Variants in LIPC observed in about 807,000 individuals in gnomAD.
LIPC encodes the protein lipase C, hepatic type.
LIPC carries 44 observed loss-of-function variants against 50.7 expected under a neutral mutation model. The observed-to-expected ratio is 0.87, with a 90% CI of 0.68 to 1.11. The LOEUF is 1.11. Ranked by LOEUF, LIPC falls within the 50% of genes most tolerant of loss-of-function variation. The pLI, the probability that LIPC is intolerant of heterozygous loss-of-function variation, is 0.00. For synonymous variants in LIPC, 271 were observed against 256.4 expected (o/e 1.06, Z -0.54); for missense variants, 697 against 648.2 (o/e 1.08, Z -0.82).
chr15:58,442,111 C>G (rs774774309), intron 1 of LIPC, among the ~76,000 whole-genome samples: 28 of 152,282 alleles, frequency 1.8e-4, no homozygotes, highest in South Asian at 6.2e-4. Context: ...TTGGGTGATG[C>G]CCTTTACCTC....
intron 1 of LIPC, among the ~76,000 whole-genome samples, chr15:58,451,253 C>G (rs978859332): frequency 2.0e-5 from 3 of 151,918 alleles, no homozygotes; most frequent in Non-Finnish European, 4.4e-5. Context: ...TTTGGAGATA[C>G]GAAAAAGGCA....
At chr15:58,506,464 G>T (rs1020034188) in intron 1 of LIPC, among the ~76,000 whole-genome samples, 24 of 152,144 alleles carry the variant, frequency 1.6e-4, no homozygotes, top group African/African-American at 5.8e-4. Flanking sequence ...TTTGACCAGG[G>T]CAAAGCAGGT....
chr15:58,494,454 G>A (rs1891697322), intron 1 of LIPC, among the ~76,000 whole-genome samples: 1 of 152,192 alleles, frequency 6.6e-6, no homozygotes, highest in Non-Finnish European at 1.5e-5. Context: ...CCTCATTTAC[G>A]CTGTTTGCAC....
At chr15:58,450,036 C>A (rs1566910811) in intron 1 of LIPC, among the ~76,000 whole-genome samples, 1 of 152,150 alleles carries the variant, frequency 6.6e-6, no homozygotes, top group African/African-American at 2.4e-5. Context: ...TATGGAGAGA[C>A]CCTTAGCACC....
rs1051033230 is a variant in LIPC at position 58,536,914 on chromosome 15, T to C, written c.89-1419T>C. Reference sequence around the variant, plus strand: ...CCCCTTGCACTTTGTAGGTTCATCATCTCTTGGTCCTGCTGTCCCCTGAAA... The same window carrying C: ...CCCCTTGCACTTTGTAGGTTCATCACCTCTTGGTCCTGCTGTCCCCTGAAA... On this transcript the variant is annotated intron_variant, in intron 1 of 8. Coordinates refer to ENST00000299022, the MANE Select transcript of LIPC (RefSeq NM_000236.3). Among the ~76,000 whole-genome samples, 12 of 152,240 alleles carry C rather than the reference T, an allele frequency of 7.9e-5. No individual in the cohort carries two copies. The South Asian group carries it at 8.3e-4, about 11-fold the overall frequency.
chr15:58,483,291 T>C (rs1043972377), intron 1 of LIPC, among the ~76,000 whole-genome samples: 7 of 152,196 alleles, frequency 4.6e-5, no homozygotes, highest in African/African-American at 1.7e-4. Flanking sequence ...AAATGACCCT[T>C]GGTAACAAAA....
At chr15:58,515,550 A>ATATATATATATATATATATATATC (rs1566935655) in intron 1 of LIPC, among the ~76,000 whole-genome samples, 1 of 151,046 alleles carries the variant, frequency 6.6e-6, no homozygotes, top group African/African-American at 2.4e-5. Context: ...ATATATATAT[A>ATATATATATATATATATATATATC]TATCTCAAAA....
chr15:58,449,822 G>C (rs1378677628), intron 1 of LIPC, among the ~76,000 whole-genome samples: 2 of 152,162 alleles, frequency 1.3e-5, no homozygotes, highest in African/African-American at 4.8e-5. Context: ...TTACAGACAG[G>C]TGTGAGCCAC....
At chr15:58,554,643 C>T (rs990334754) in intron 6 of LIPC, among the ~76,000 whole-genome samples, 2 of 151,204 alleles carry the variant, frequency 1.3e-5, no homozygotes, top group Non-Finnish European at 2.9e-5. Flanking sequence ...ACCTGTAATC[C>T]TAACACTTTG....
intron 1 of LIPC, among the ~76,000 whole-genome samples, chr15:58,471,329 G>GGGA (rs1555399299): frequency 1.6e-3 from 12 of 7,368 alleles, no homozygotes; most frequent in Non-Finnish European, 3.8e-3. Context: ...TAGTAGAGAT[G>GGGA]GGGGGGGGTG....
At chr15:58,540,355 TCTAA>T (rs748241150) in intron 2 of LIPC, among the ~76,000 whole-genome samples, 29 of 152,124 alleles carry the variant, frequency 1.9e-4, no homozygotes, top group African/African-American at 5.1e-4. Flanking sequence ...CAGACACTGC[TCTAA>T]GCGCTTTAGA....
intron 1 of LIPC, among the ~76,000 whole-genome samples, chr15:58,489,837 T>C (rs573405504): frequency 6.6e-6 from 1 of 152,298 alleles, no homozygotes; most frequent in Non-Finnish European, 1.5e-5. Flanking sequence ...ATCCTTGCTG[T>C]AAGGTTCAAC....
chr15:58,493,295 T>A (rs1433594921), intron 1 of LIPC, among the ~76,000 whole-genome samples: 1 of 152,088 alleles, frequency 6.6e-6, no homozygotes, highest in African/African-American at 2.4e-5. Flanking sequence ...GTCTGCCCGT[T>A]TGGACTAGCA....
intron 8 of LIPC, chr15:58,565,155 G>T: frequency 1.3e-6 from 2 of 1,524,322 alleles, no homozygotes; most frequent in Non-Finnish European, 8.8e-7. Context: ...ATTACTGAGA[G>T]CATACTCTGC....
chr15:58,529,894 T>C lies in LIPC; in HGVS notation c.89-8439T>C, dbSNP rs1277237920. Among the ~76,000 whole-genome samples, 5 of 152,252 alleles carry C rather than the reference T, an allele frequency of 3.3e-5. No individual in the cohort carries two copies. The East Asian group carries it at 9.7e-4, about 29-fold the overall frequency. ...AAGGTCCCTGGTCCTTGGGGAGCAG[T>C]GGTTGGAGTGGGAGAAGGGCATCGC... is the stretch of plus-strand genomic sequence containing the variant. On this transcript the variant is annotated intron_variant, in intron 1 of 8. Coordinates refer to ENST00000299022, the MANE Select transcript of LIPC (RefSeq NM_000236.3).
At chr15:58,555,983 C>A (rs779206700) in intron 6 of LIPC, among the ~76,000 whole-genome samples, 1 of 152,160 alleles carries the variant, frequency 6.6e-6, no homozygotes, top group Non-Finnish European at 1.5e-5. Flanking sequence ...CAGATGCAGC[C>A]TAAGGGATCC....
intron 8 of LIPC, chr15:58,566,029 C>T (rs1894354060): frequency 1.0e-6 from 1 of 984,852 alleles, no homozygotes; most frequent in African/African-American, 1.7e-5. Flanking sequence ...CAGGGCTTCT[C>T]AAACTTTCAC....
At chr15:58,467,241 C>T (rs2140728078) in intron 1 of LIPC, among the ~76,000 whole-genome samples, 1 of 152,308 alleles carries the variant, frequency 6.6e-6, no homozygotes, top group Admixed American at 6.5e-5. Context: ...TCACCTGACC[C>T]ACTCATCCCT....
intron 6 of LIPC, among the ~76,000 whole-genome samples, chr15:58,555,405 C>T (rs1893904719): frequency 6.6e-6 from 1 of 152,116 alleles, no homozygotes; most frequent in African/African-American, 2.4e-5. Context: ...AGGTGTTGAA[C>T]CACAGCTTTT....
Sources: gnomAD v4.1 joint callset for allele counts (sites outside exome capture counted in the v4.1 genomes callset) on GRCh38, gnomAD v4.1.1 for gene constraint, MANE v1.5 for transcripts, NCBI Gene and HGNC (gene_info 2026-07-23, HGNC 2026-07-21) for gene names.